Variants in NAA38 observed in about 807,000 individuals in gnomAD.
NAA38 encodes the protein LSM domain containing 1.
NAA38 carries 15 observed loss-of-function variants against 12.6 expected under a neutral mutation model. The ratio of observed to expected loss-of-function variants is 1.19; its 90% CI spans 0.79 to 1.83. The LOEUF is 1.83. NAA38 is among the 40% of genes most tolerant of loss of function. The pLI is 0.00. For missense variants in NAA38, 183 were observed against 171.7 expected, an observed-to-expected ratio of 1.07 and a Z score of -0.37; for synonymous variants, 88 against 69.9, an observed-to-expected ratio of 1.26 and a Z score of -1.29.
chr17:7,859,546 T>C, upstream of NAA38: 1 of 1,614,160 alleles, frequency 6.2e-7, no homozygotes, highest in South Asian at 1.1e-5. Context: ...ACTATCTCAG[T>C]ATGGACGGTA....
At chr17:7,872,340 G>C (rs904643202) in intron 2 of NAA38, among the ~76,000 whole-genome samples, 1 of 152,034 alleles carries the variant, frequency 6.6e-6, no homozygotes, top group Admixed American at 6.5e-5. Flanking sequence ...AAAATTTTTT[G>C]GTCTTGCTGA....
intron 3 of NAA38, chr17:7,864,439 G>C (rs1368145150): frequency 2.0e-5 from 3 of 152,216 alleles, no homozygotes; most frequent in East Asian, 3.9e-4. Flanking sequence ...TCCTGCCTCA[G>C]AGTAGCACCA....
At chr17:7,873,110 AAG>A (rs1245463804) in intron 2 of NAA38, among the ~76,000 whole-genome samples, 2 of 152,170 alleles carry the variant, frequency 1.3e-5, no homozygotes, top group Non-Finnish European at 2.9e-5. Context: ...GCTTCACAAA[AAG>A]ACTTATATGT....
chr17:7,875,128 G>C (rs78873445), intron 2 of NAA38, among the ~76,000 whole-genome samples: 166 of 151,986 alleles, frequency 1.1e-3, no homozygotes, highest in African/African-American at 3.6e-3. Context: ...CTAGGAGTTC[G>C]AGGCTGCAGT....
At chr17:7,885,051 C>T (rs1967552745) in intron 1 of NAA38, 1 of 1,019,776 alleles carries the variant, frequency 9.8e-7, no homozygotes, top group Non-Finnish European at 1.2e-6. Flanking sequence ...CCGCCGCCAC[C>T]GCTGCCCCCG....
chr17:7,882,060 G>A (rs1178748907), intron 2 of NAA38, among the ~76,000 whole-genome samples: 1 of 152,046 alleles, frequency 6.6e-6, no homozygotes, highest in East Asian at 1.9e-4. Flanking sequence ...ATGCAGACAG[G>A]CAAAAGGGAG....
rs959446279 is a variant in NAA38 at position 7,856,741 on chromosome 17, G to A, written c.368C>T (p.Pro123Leu). The stretch of plus-strand genomic sequence containing the variant: ...TAAGCGCCATCGTGGTCAGAGATAC[G>A]GAGGCCCGGTCAGACTCTCCCTCTG... ...EVQRESLTGPPYL is the reference protein window; with the variant it reads ...EVQRESLTGPLYL The change falls in exon 3 of 3, where the codon CCG becomes CTG. Residue 123 changes from proline to leucine, a missense_variant. By Grantham distance (98) the Pro-to-Leu change is moderately conservative (BLOSUM62 -3). Coordinates refer to ENST00000575771, the MANE Select transcript of NAA38 (RefSeq NM_001320925.4). The A allele has an allele frequency of 1.2e-6, 2 of 1,613,594 alleles. No homozygotes were observed. Among genetic ancestry groups the A allele is most frequent in the South Asian group, 1.1e-5 (1 of 91,066 alleles).
chr17:7,878,539 T>A (rs1167311040), intron 2 of NAA38, among the ~76,000 whole-genome samples: 1 of 152,010 alleles, frequency 6.6e-6, no homozygotes, highest in Non-Finnish European at 1.5e-5. Context: ...CTGGCCAACA[T>A]GGTAAAACCC....
Position 7,876,926 on chromosome 17 carries a change from C to T in NAA38, c.-66+6309G>A, listed in dbSNP as rs73977775. 7.6e-3 allele frequency: 1,305 copies of T among 172,468 alleles called. 12 individuals are homozygous for T. The highest frequency in any genetic ancestry group is 0.028 in the African/African-American group (1,152 of 41,710). The allele number at this position is 172,468 out of a possible 1,614,324, so 10.7% of individuals were successfully genotyped here. A position where few individuals can be genotyped will look rare whatever the true frequency, so the allele number is the denominator to read the frequency against. On this transcript the variant is annotated intron_variant, in intron 2 of 4. Coordinates refer to the NAA38 transcript ENST00000576861. ...CATAAATGTTACCATGTTATATATGCTCTTCTGTACTTTCCCTTTTTCCCT... is the reference window on the plus strand; with the variant it reads ...CATAAATGTTACCATGTTATATATGTTCTTCTGTACTTTCCCTTTTTCCCT...
intron 1 of NAA38, chr17:7,884,768 C>T: frequency 1.1e-5 from 1 of 93,858 alleles, no homozygotes; most frequent in Non-Finnish European, 1.7e-5. Context: ...GGCGGGCGGG[C>T]GGTGGGTGGG....
chr17:7,882,508 A>T lies in NAA38; in HGVS notation c.-66+727T>A, dbSNP rs571600767. ...GATAGTCTCAGTTAAAAACAAAGACATAAATAGAGAGAAGCCCACAATATA... is the reference window on the plus strand; with the variant it reads ...GATAGTCTCAGTTAAAAACAAAGACTTAAATAGAGAGAAGCCCACAATATA... On this transcript the variant is annotated intron_variant, in intron 2 of 4. Transcript: ENST00000576861. 2.6e-5 allele frequency among the ~76,000 whole-genome samples: 4 copies of T among 152,338 alleles called. No homozygotes were observed. The East Asian group carries it at 7.7e-4, about 29-fold the overall frequency.
At chr17:7,864,013 T>C (rs756462747) in intron 3 of NAA38, 1 of 152,182 alleles carries the variant, frequency 6.6e-6, no homozygotes, top group African/African-American at 2.4e-5. Context: ...AGTAAAGGGA[T>C]CCATCATTTG....
At chr17:7,858,336 T>C (rs2078850561), upstream of NAA38, 12 of 1,613,926 alleles carry the variant, frequency 7.4e-6, no homozygotes, top group Non-Finnish European at 9.3e-6. Context: ...TGTGTGTGTG[T>C]GCACGCGCGC....
chr17:7,858,353 C>T (rs748868763), upstream of NAA38: 27 of 1,613,952 alleles, frequency 1.7e-5, no homozygotes, highest in African/African-American at 3.2e-4. Flanking sequence ...GCGCGTTTGC[C>T]TGGTTCTCGA....
At chr17:7,865,904 C>G (rs1966961682) in intron 3 of NAA38, 1 of 151,996 alleles carries the variant, frequency 6.6e-6, no homozygotes, top group South Asian at 2.1e-4. Context: ...ATCATTTATT[C>G]AATTCATTAA....
In NAA38 at chr17:7,856,775, T is replaced by C. The variant is rs1489834045; in HGVS notation, c.334A>G (p.Ile112Val). The change falls in exon 3 of 3, where the codon ATT becomes GTT. Residue 112 changes from isoleucine (I) to valine (V), a missense_variant. Coordinates refer to ENST00000575771, the MANE Select transcript of NAA38 (RefSeq NM_001320925.4). The stretch of plus-strand genomic sequence containing the variant: ...GTCAGACTCTCCCTCTGCACCTCAA[T>C]GGAAACGATGTGGTGTCCGGGTACC... ...AMVPGHHIVSIEVQRESLTGP... is the reference protein window; with the variant it reads ...AMVPGHHIVSVEVQRESLTGP... The C allele has an allele frequency of 3.1e-6, 5 of 1,613,904 alleles. No homozygotes were observed. In the South Asian group the frequency reaches 5.5e-5, roughly 18 times the overall value.
chr17:7,856,920 A>G, intron 2 of NAA38, 77 bp from the exon 3 acceptor site: 1 of 1,592,780 alleles, frequency 6.3e-7, no homozygotes, highest in Non-Finnish European at 8.6e-7. Context: ...AACGAGCCCC[A>G]GAAAACAAGG....
intron 2 of NAA38, among the ~76,000 whole-genome samples, chr17:7,874,239 G>A (rs1967135655): frequency 6.6e-6 from 1 of 152,176 alleles, no homozygotes; most frequent in Admixed American, 6.5e-5. Flanking sequence ...AGTAAATGAG[G>A]GGGCTAGAAG....
upstream of NAA38, chr17:7,858,974 A>AG (rs1285905938): frequency 1.4e-6 from 1 of 697,540 alleles, no homozygotes; most frequent in East Asian, 2.8e-5. Context: ...CACAGCACCT[A>AG]GGTCCCCAGG....
Sources: allele counts gnomAD v4.1 joint callset (sites outside exome capture counted in the v4.1 genomes callset), GRCh38; gene constraint gnomAD v4.1.1; transcripts MANE v1.5; gene names NCBI Gene and HGNC (gene_info 2026-07-23, HGNC 2026-07-21).